DGKD: variants seen among roughly 807,000 people sequenced by gnomAD.
DGKD encodes DAG kinase delta.
DGKD carries 68 observed loss-of-function variants against 154.4 expected under a neutral mutation model. That is an observed-to-expected ratio of 0.44 (90% confidence interval 0.36 to 0.54). The LOEUF is 0.54. Among genes scored for constraint, DGKD ranks in the 20% least tolerant of loss-of-function variants. The pLI, the probability that DGKD is intolerant of heterozygous loss-of-function variation, is 0.00. For synonymous variants in DGKD, 693 were observed against 638.0 expected (o/e 1.09, Z -1.30); for missense variants, 1,343 against 1,593.6 (o/e 0.84, Z 2.68).
At chr2:233,389,614 A>C (rs1703447942) in intron 2 of DGKD, among the ~76,000 whole-genome samples, 1 of 151,384 alleles carries the variant, frequency 6.6e-6, no homozygotes, top group Non-Finnish European at 1.5e-5. Context: ...TTTTACAGTT[A>C]GTTCTGGTGG....
At position 233,434,415 on chromosome 2, in the gene DGKD, T is replaced by C; in HGVS notation, c.384T>C (p.Ala128=). The C allele has an allele frequency of 6.2e-7, 1 of 1,614,182 alleles. No homozygotes were observed. Among genetic ancestry groups the C allele is most frequent in the Non-Finnish European group, 8.5e-7 (1 of 1,180,002 alleles). The change falls in exon 4 of 30, where the codon GCT becomes GCC. Residue 128 remains alanine (A), a synonymous_variant. Transcript: ENST00000264057. ...CATGCAGGAAGCTCATCTTGTGTGC[T>C]GATAACAGAAAAGAAATGGAAGATT... The part of the protein sequence containing the change: ...ITPCRKLILC[A]DNRKEMEDWI...
chr2:233,362,691 T>G (rs956083008), intron 1 of DGKD, among the ~76,000 whole-genome samples: 1 of 152,150 alleles, frequency 6.6e-6, no homozygotes, highest in Non-Finnish European at 1.5e-5. Context: ...CCTGAGAATT[T>G]TCTACAACAA....
At chr2:233,424,124 C>T (rs916015462) in intron 3 of DGKD, among the ~76,000 whole-genome samples, 7 of 152,186 alleles carry the variant, frequency 4.6e-5, no homozygotes, top group African/African-American at 1.4e-4. Flanking sequence ...TCGTCATGAC[C>T]GTTGGACCGT....
chr2:233,450,134 ACTTGTG>A lies in DGKD; in HGVS notation c.2038+5_2038+10del. On this transcript the variant is annotated splice_donor_5th_base_variant and intron_variant, in intron 16 of 29. Transcript: ENST00000264057. ...CAAGGGGAGGAGCCAGCGCAAAGGT[ACTTGTG>A]CCTCCACCTCCCTCTGCGCACCGTC... 6.2e-7 allele frequency: 1 copy of A among 1,605,134 alleles called. No individual in the cohort carries two copies.
At chr2:233,384,810 G>C (rs1224148767) in intron 1 of DGKD, among the ~76,000 whole-genome samples, 1 of 151,904 alleles carries the variant, frequency 6.6e-6, no homozygotes, top group Non-Finnish European at 1.5e-5. Flanking sequence ...GTGTATTTCT[G>C]AGCCACCACC....
chr2:233,449,440 C>T lies in DGKD; in HGVS notation c.1888+64C>T, dbSNP rs924967425. On this transcript the variant is annotated intron_variant, in intron 15 of 29. Coordinates refer to ENST00000264057, the MANE Select transcript of DGKD (RefSeq NM_152879.3). This position sits in a 1 kb window ranked among gnomAD's most constrained non-coding sequence, Gnocchi z 5.3. Reference sequence around the variant, plus strand: ...CAGCACTGGGCATGCCCAGCGTCCCCTGAACACGGAGATGACAGAAGGGTG... The same window carrying T: ...CAGCACTGGGCATGCCCAGCGTCCCTTGAACACGGAGATGACAGAAGGGTG... 18 of 1,528,042 alleles carry T rather than the reference C, an allele frequency of 1.2e-5. No homozygotes were observed. Among genetic ancestry groups the T allele is most frequent in the South Asian group, 3.8e-5 (3 of 79,858 alleles). 94.7% of individuals were successfully genotyped at this position (1,528,042 alleles called of 1,614,324 possible).
chr2:233,403,554 C>G (rs770087698), intron 3 of DGKD, among the ~76,000 whole-genome samples: 14 of 151,952 alleles, frequency 9.2e-5, no homozygotes, highest in Non-Finnish European at 1.5e-4. Flanking sequence ...GAACAAGACT[C>G]CATCTCAAAA....
At position 233,449,304 on chromosome 2, in the gene DGKD, C is replaced by G; in HGVS notation, c.1816C>G (p.Arg606Gly). ...CPARPQIFRP[R>G]EQLMLRANSL... ...GGCCCGGCCGCAGATATTCCGGCCT[C>G]GAGAACAGCTCATGCTGAGAGCCAA... The change falls in exon 15 of 30, where the codon CGA becomes GGA. Residue 606 changes from arginine to glycine, a missense_variant. Arg to Gly is a moderately radical substitution (Grantham distance 125). Transcript: ENST00000264057. This position sits in a 1 kb window ranked among gnomAD's most constrained non-coding sequence, Gnocchi z 5.3. 6.2e-7 allele frequency: 1 copy of G among 1,613,002 alleles called. No homozygotes were observed. The highest frequency in any genetic ancestry group is 8.5e-7 in the Non-Finnish European group (1 of 1,179,258).
chr2:233,371,187 T>C lies in DGKD; in HGVS notation c.156+16513T>C, dbSNP rs543107023. Among the ~76,000 whole-genome samples, 4 of 152,302 alleles carry C rather than the reference T, an allele frequency of 2.6e-5. No homozygotes were observed. In the South Asian group the frequency reaches 8.3e-4, roughly 32 times the overall value. ...TCCCTCCAGCAGTGCATGAGAGTTC[T>C]GATGTTTCCACACTTGCCAACTCTT... On this transcript the variant is annotated intron_variant, in intron 1 of 29. Transcript: ENST00000264057.
chr2:233,365,478 C>T (rs959836213), intron 1 of DGKD, among the ~76,000 whole-genome samples: 2 of 152,246 alleles, frequency 1.3e-5, no homozygotes, highest in Admixed American at 1.3e-4. Flanking sequence ...CTCCTGACCT[C>T]AGGTGATCCA....
At chr2:233,461,056 C>T (rs978004980) in intron 24 of DGKD, among the ~76,000 whole-genome samples, 13 of 152,064 alleles carry the variant, frequency 8.5e-5, no homozygotes, top group African/African-American at 3.1e-4. Flanking sequence ...TGGGGCATTT[C>T]CTCTCACCTG....
chr2:233,469,294 T>C, intron 29 of DGKD, 77 bp from the exon 30 acceptor site: 1 of 1,303,654 alleles, frequency 7.7e-7, no homozygotes. Flanking sequence ...GGAAGGGCCG[T>C]TGTGGCAGGC....
At chr2:233,420,470 C>A (rs2062079296) in intron 3 of DGKD, among the ~76,000 whole-genome samples, 1 of 152,200 alleles carries the variant, frequency 6.6e-6, no homozygotes, top group Non-Finnish European at 1.5e-5. Context: ...TTTCTTCCTG[C>A]TCCCCCTTCC....
At chr2:233,464,365 G>C (rs1424121828) in intron 27 of DGKD, 82 bp downstream of exon 27, 1 of 1,557,720 alleles carries the variant, frequency 6.4e-7, no homozygotes, top group African/African-American at 1.4e-5. Flanking sequence ...TGTGACCCGT[G>C]TGGCTCTGGG....
chr2:233,437,328 G>T (rs1434257673), intron 7 of DGKD, 49 bp from the exon 8 acceptor site: 3 of 1,540,944 alleles, frequency 1.9e-6, no homozygotes, highest in Non-Finnish European at 2.7e-6. Flanking sequence ...TTTCTGGTGT[G>T]TGTGAAGGAT....
rs2063221777 is a variant in DGKD, at chr2:233,450,053, A to AT, written c.1960_1961insT (p.Lys654IlefsTer33). The AT allele has an allele frequency of 6.2e-7, 1 of 1,613,848 alleles. No homozygotes were observed. Among genetic ancestry groups the AT allele is most frequent in the African/African-American group, 1.3e-5 (1 of 74,922 alleles). The stretch of plus-strand genomic sequence containing the variant: ...CCTGGGCCTCTCTGAGTCAGAGGAG[A>AT]AGATGGACCACAGAGTGTGCCCACC... On this transcript the variant is annotated frameshift_variant, in exon 16 of 30. Coordinates refer to ENST00000264057, the MANE Select transcript of DGKD (RefSeq NM_152879.3). LOFTEE classifies it high-confidence loss of function.
In DGKD at chr2:233,441,532, A is replaced by G. The variant is rs2062888415; in HGVS notation, c.1086-355A>G. On this transcript the variant is annotated intron_variant, in intron 9 of 29. Transcript: ENST00000264057. The surrounding 1 kb of genome is among the most constrained non-coding windows in gnomAD (Gnocchi z 5.6). Reference sequence around the variant, plus strand: ...TGACGCAGGGTGGGCTCACATGGTTAGGGGCCACGGCAGGCTGTGCCCGTG... The same window carrying G: ...TGACGCAGGGTGGGCTCACATGGTTGGGGGCCACGGCAGGCTGTGCCCGTG... Among the ~76,000 whole-genome samples the G allele has an allele frequency of 6.6e-6, 1 of 152,148 alleles. No individual in the cohort carries two copies. Among genetic ancestry groups the G allele is most frequent in the Non-Finnish European group, 1.5e-5 (1 of 67,998 alleles).
At chr2:233,439,747 T>C (rs937746251) in intron 9 of DGKD, among the ~76,000 whole-genome samples, 1 of 152,100 alleles carries the variant, frequency 6.6e-6, no homozygotes, top group East Asian at 1.9e-4. Context: ...TTTTATGTTT[T>C]GTTGAGCCTC....
chr2:233,451,377 C>G (rs1158603646), intron 17 of DGKD, among the ~76,000 whole-genome samples: 1 of 151,986 alleles, frequency 6.6e-6, no homozygotes, highest in East Asian at 1.9e-4. Context: ...ATGAGGGAAC[C>G]CGAGGGACCA....
Sources: allele counts gnomAD v4.1 joint callset (sites outside exome capture counted in the v4.1 genomes callset), GRCh38; gene constraint gnomAD v4.1.1; non-coding constraint Gnocchi (gnomAD v3.1); transcripts MANE v1.5; gene names NCBI Gene and HGNC (gene_info 2026-07-23, HGNC 2026-07-21).